PYGB: variants seen among roughly 807,000 people sequenced by gnomAD.
PYGB encodes glycogen phosphorylase B.
Under a neutral mutation model 94.3 loss-of-function variants are expected in PYGB, and 82 were observed. The observed-to-expected ratio is 0.87, with a 90% confidence interval of 0.73 to 1.04. PYGB has a LOEUF of 1.04. PYGB is among the 50% of genes least tolerant of loss of function. The pLI is 0.00. For synonymous variants in PYGB, 488 were observed against 479.1 expected, an observed-to-expected ratio of 1.02 and a Z score of -0.24; for missense variants, 1,132 against 1,158.2, an observed-to-expected ratio of 0.98 and a Z score of 0.33.
chr20:25,283,410 C>T, intron 13 of PYGB, 133 bp downstream of exon 13: 1 of 748,036 alleles, frequency 1.3e-6, no homozygotes, highest in South Asian at 1.8e-5. Flanking sequence ...GGACTCAGAA[C>T]AGGACTGAGG....
At chr20:25,280,194 C>T (rs2088352894) in intron 9 of PYGB, 72 bp from the exon 10 acceptor site, 11 of 1,558,202 alleles carry the variant, frequency 7.1e-6, no homozygotes, top group Non-Finnish European at 9.7e-6. Flanking sequence ...GGACGCTCAC[C>T]CTGCCTAGGC....
chr20:25,268,167 C>CCCG (rs1555806074), intron 2 of PYGB, among the ~76,000 whole-genome samples: 1 of 95,026 alleles, frequency 1.1e-5, no homozygotes, highest in African/African-American at 3.8e-5. Context: ...ACCCGCCCCC[C>CCCG]CCCCATATCC....
chr20:25,263,270 C>G (rs981667721), intron 2 of PYGB, among the ~76,000 whole-genome samples: 3 of 152,224 alleles, frequency 2.0e-5, no homozygotes, highest in African/African-American at 7.2e-5. Flanking sequence ...AACTGTCTCT[C>G]AGACCACAGT....
intron 11 of PYGB, 91 bp from the exon 12 acceptor site, chr20:25,281,942 C>T: frequency 8.9e-7 from 1 of 1,120,656 alleles, no homozygotes; most frequent in South Asian, 1.3e-5. Context: ...TTGAGGGCTC[C>T]TGGGACCTCC....
At chr20:25,270,893 T>C (rs2088260721) in intron 3 of PYGB, among the ~76,000 whole-genome samples, 1 of 152,246 alleles carries the variant, frequency 6.6e-6, no homozygotes. Flanking sequence ...TATAGCGCCT[T>C]GGGGCCCCTG....
At chr20:25,275,709 C>T (rs754202766) in intron 5 of PYGB, among the ~76,000 whole-genome samples, 4 of 152,196 alleles carry the variant, frequency 2.6e-5, no homozygotes, top group African/African-American at 7.2e-5. Context: ...GCTGGAGAAC[C>T]GGGACATTCC....
chr20:25,264,792 G>C (rs2092921128), intron 2 of PYGB, among the ~76,000 whole-genome samples: 1 of 152,190 alleles, frequency 6.6e-6, no homozygotes. Flanking sequence ...CAAACAAATG[G>C]AAGAACATTC....
chr20:25,260,558 T>C (rs1250895229), intron 2 of PYGB, among the ~76,000 whole-genome samples: 1 of 152,048 alleles, frequency 6.6e-6, no homozygotes, highest in Non-Finnish European at 1.5e-5. Context: ...TCAGCGTGAG[T>C]GATGCAGAAG....
intron 1 of PYGB, among the ~76,000 whole-genome samples, chr20:25,248,686 T>TGAGCCCGTGAGCCTGGCGGAC (rs2092878483): frequency 1.3e-5 from 2 of 152,028 alleles, no homozygotes; most frequent in African/African-American, 4.8e-5. Flanking sequence ...CAGATGATGC[T>TGAGCCCGTGAGCCTGGCGGAC]GAGCCCGGGA....
intron 1 of PYGB, among the ~76,000 whole-genome samples, chr20:25,256,702 A>G (rs4815398): frequency 0.69 from 104,187 of 152,008 alleles, 37,188 homozygotes; most frequent in East Asian, 0.99. Context: ...AGGTGAGTCC[A>G]GTTCTCCAAC....
intron 1 of PYGB, 36 bp downstream of exon 1, chr20:25,248,457 C>G (rs2092877437): frequency 7.5e-6 from 10 of 1,330,768 alleles, no homozygotes; most frequent in Non-Finnish European, 9.7e-6. Context: ...CCCGTGCCCG[C>G]TGAGAGGGCG....
intron 4 of PYGB, among the ~76,000 whole-genome samples, chr20:25,273,686 T>C (rs74869660): frequency 4.6e-4 from 70 of 152,282 alleles, no homozygotes; most frequent in African/African-American, 1.7e-3. Flanking sequence ...TACTCGTCTC[T>C]AGTGCCACTG....
chr20:25,259,358 G>C lies in PYGB; in HGVS notation c.345+20G>C. 6.4e-7 allele frequency: 1 copy of C among 1,566,994 alleles called. No homozygotes were observed. The highest frequency in any genetic ancestry group is 8.8e-7 in the Non-Finnish European group (1 of 1,138,248). ...TATCAGGTACAGAGCCTCATGGCCG[G>C]GCTTCTGGGTGGCCCCTCGTGGTGC... On this transcript the variant is annotated intron_variant, in intron 2 of 19. Coordinates refer to ENST00000216962, the MANE Select transcript of PYGB (RefSeq NM_002862.4).
chr20:25,289,905 C>T (rs752845982), intron 15 of PYGB: 1 of 533,536 alleles, frequency 1.9e-6, no homozygotes, highest in Non-Finnish European at 3.8e-6. Flanking sequence ...GACAGGAGTC[C>T]TCCGTGTCCT....
At chr20:25,271,601 C>A in intron 4 of PYGB, 115 bp downstream of exon 4, 2 of 1,144,006 alleles carry the variant, frequency 1.7e-6, no homozygotes, top group East Asian at 2.4e-5. Context: ...GACTGCAGGC[C>A]GGCCAGGGCA....
intron 4 of PYGB, among the ~76,000 whole-genome samples, chr20:25,273,297 C>T (rs770279778): frequency 2.0e-5 from 3 of 152,150 alleles, no homozygotes; most frequent in Admixed American, 6.5e-5. Context: ...AATCTCACAG[C>T]GGACAAGGAG....
At chr20:25,281,665 C>G (rs2088368543) in intron 11 of PYGB, among the ~76,000 whole-genome samples, 1 of 152,146 alleles carries the variant, frequency 6.6e-6, no homozygotes, top group Admixed American at 6.5e-5. Flanking sequence ...GTGTCGGGCC[C>G]CTCCCCAGTA....
At chr20:25,252,673 C>T (rs867412906) in intron 1 of PYGB, among the ~76,000 whole-genome samples, 23 of 152,264 alleles carry the variant, frequency 1.5e-4, no homozygotes, top group African/African-American at 4.6e-4. Flanking sequence ...GAGGGCAGGT[C>T]TGAGGGAGGG....
chr20:25,262,365 T>G (rs2092915502), intron 2 of PYGB, among the ~76,000 whole-genome samples: 3 of 152,210 alleles, frequency 2.0e-5, no homozygotes, highest in African/African-American at 7.2e-5. Context: ...GAATTTCATA[T>G]CCAGCCAAAC....
Sources: allele counts gnomAD v4.1 joint callset (sites outside exome capture counted in the v4.1 genomes callset), GRCh38; gene constraint gnomAD v4.1.1; transcripts MANE v1.5; gene names NCBI Gene and HGNC (gene_info 2026-07-23, HGNC 2026-07-21).